Variants in ANKRD26 observed in about 807,000 individuals in gnomAD.
ANKRD26 encodes ankyrin repeat domain 26.
ANKRD26 carries 141 observed loss-of-function variants against 208.7 expected under a neutral mutation model. The observed-to-expected ratio is 0.68, with a 90% confidence interval of 0.59 to 0.78. The LOEUF (loss-of-function observed/expected upper bound fraction) is 0.78, where lower values mean the gene tolerates loss of function less well. ANKRD26 is among the 30% of genes least tolerant of loss of function. The pLI, the probability that ANKRD26 is intolerant of heterozygous loss-of-function variation, is 0.00. For missense variants in ANKRD26, 1,889 were observed against 1,938.7 expected (o/e 0.97, Z 0.48); for synonymous variants, 636 against 660.4 (o/e 0.96, Z 0.57).
intron 32 of ANKRD26, among the ~76,000 whole-genome samples, chr10:27,011,368 A>G (rs900276234): frequency 2.0e-5 from 3 of 152,190 alleles, no homozygotes; most frequent in African/African-American, 7.2e-5. Flanking sequence ...CTTGGGCTCA[A>G]GCAATCCTCC....
intron 7 of ANKRD26, among the ~76,000 whole-genome samples, chr10:27,078,765 CTT>C (rs2055792599): frequency 1.3e-5 from 2 of 151,996 alleles, no homozygotes; most frequent in African/African-American, 4.8e-5. Context: ...TCCATATAAA[CTT>C]TGACCAAATT....
rs1021550725 is a variant in ANKRD26 at position 27,066,369 on chromosome 10, A to G, written c.1269+118T>C. The G allele has an allele frequency of 2.0e-5, 13 of 640,038 alleles. 1 individual carries two copies. The highest frequency in any genetic ancestry group is 3.2e-5 in the Non-Finnish European group (12 of 377,570). 39.6% of individuals were successfully genotyped at this position (640,038 alleles called of 1,614,324 possible). A position where few individuals can be genotyped will look rare whatever the true frequency, so the allele number is the denominator to read the frequency against. On this transcript the variant is annotated intron_variant, in intron 11 of 33. Transcript: ENST00000376087. The stretch of plus-strand genomic sequence containing the variant: ...TTAATTATGAACTGAAAAATATAAG[A>G]AAGTAGTTCCTTATGGATGTATGCA...
intron 5 of ANKRD26, among the ~76,000 whole-genome samples, chr10:27,085,095 G>C (rs72807640): frequency 0.082 from 12,353 of 150,226 alleles, 690 homozygotes; most frequent in East Asian, 0.28. Flanking sequence ...GAACACACTT[G>C]TTTTTTTTGT....
chr10:26,991,451 T>C (rs2052484372), downstream of ANKRD26, among the ~76,000 whole-genome samples: 2 of 151,036 alleles, frequency 1.3e-5, no homozygotes, highest in African/African-American at 4.9e-5. Context: ...TTTTTTTTTT[T>C]TTGAGACGGA....
intron 9 of ANKRD26, among the ~76,000 whole-genome samples, chr10:27,073,679 C>A (rs1419796658): frequency 6.6e-6 from 1 of 152,122 alleles, no homozygotes; most frequent in Non-Finnish European, 1.5e-5. Context: ...CAGCCTGAGG[C>A]CTGAAATGTT....
At chr10:27,071,020 T>C (rs1046164478) in intron 9 of ANKRD26, among the ~76,000 whole-genome samples, 1 of 152,152 alleles carries the variant, frequency 6.6e-6, no homozygotes, top group Non-Finnish European at 1.5e-5. Flanking sequence ...GATTCTATAA[T>C]AGGTAGTTTA....
intron 3 of ANKRD26, among the ~76,000 whole-genome samples, chr10:26,985,239 GGA>G (rs979207095): frequency 3.9e-5 from 6 of 152,110 alleles, no homozygotes; most frequent in Admixed American, 1.3e-4. Flanking sequence ...GTTATCTTTG[GGA>G]GAGAGAACAC....
chr10:27,066,809 G>T (rs544705303), intron 10 of ANKRD26, among the ~76,000 whole-genome samples: 21 of 148,512 alleles, frequency 1.4e-4, no homozygotes, highest in Admixed American at 5.4e-4. Context: ...TCTTAGAATA[G>T]ATTTTTTTTT....
intron 16 of ANKRD26, chr10:27,051,019 T>C (rs2054635915): frequency 4.2e-6 from 5 of 1,186,328 alleles, no homozygotes; most frequent in African/African-American, 1.6e-5. Context: ...AAATAATTGA[T>C]AGAGAAAAAA....
At chr10:26,989,256 C>A (rs760349154), downstream of ANKRD26, among the ~76,000 whole-genome samples, 1 of 152,082 alleles carries the variant, frequency 6.6e-6, no homozygotes, top group Non-Finnish European at 1.5e-5. Context: ...TCATACAGTT[C>A]CCTGCCTTTT....
chr10:27,039,347 G>T lies in ANKRD26; in HGVS notation c.2375+618C>A, dbSNP rs181807024. Among the ~76,000 whole-genome samples the T allele has an allele frequency of 2.6e-5, 4 of 152,004 alleles. No individual in the cohort carries two copies. In the East Asian group the frequency reaches 7.7e-4, roughly 29 times the overall value. On this transcript the variant is annotated intron_variant, in intron 21 of 33. Transcript: ENST00000376087. ...CGTGCGCCTGTAATCCCAGCTTCTT[G>T]TGAGGCTGAGGTGGGAGAATTGCTT...
In ANKRD26 at chr10:27,037,905, A is replaced by G. The variant is rs763312436; in HGVS notation, c.2525T>C (p.Met842Thr). The change falls in exon 22 of 34, where the codon ATG becomes ACG. Residue 842 changes from methionine (M) to threonine (T), a missense_variant. Transcript: ENST00000376087. ...QLELSLQTLE[M>T]ELRTVKSNLN... ...ATTACTTTTTACAGTCCTCAATTCC[A>G]TCTCCAGTGTTTGGAGACTCAGTTC... is the stretch of plus-strand genomic sequence containing the variant. 1 of 1,612,846 alleles carries G rather than the reference A, an allele frequency of 6.2e-7. No homozygotes were observed. The highest frequency in any genetic ancestry group is 1.1e-5 in the South Asian group (1 of 90,850).
At chr10:27,077,948 A>C (rs2055759724) in intron 7 of ANKRD26, among the ~76,000 whole-genome samples, 1 of 152,188 alleles carries the variant, frequency 6.6e-6, no homozygotes, top group East Asian at 1.9e-4. Flanking sequence ...TATAAATACT[A>C]TGATATCTGT....
chr10:27,046,592 A>G, intron 17 of ANKRD26, 69 bp from the exon 18 acceptor site: 1 of 1,439,028 alleles, frequency 6.9e-7, no homozygotes, highest in African/African-American at 1.4e-5. Context: ...ATGCAGAAAG[A>G]GAGTTAAGGA....
chr10:27,066,610 A>G, intron 10 of ANKRD26, 62 bp from the exon 11 acceptor site: 4 of 1,071,750 alleles, frequency 3.7e-6, no homozygotes, highest in Admixed American at 3.7e-5. Context: ...TTTTAAATAC[A>G]TAATTAAATA....
At chr10:27,048,562 G>T (rs2054539428) in intron 17 of ANKRD26, among the ~76,000 whole-genome samples, 1 of 152,020 alleles carries the variant, frequency 6.6e-6, no homozygotes, top group African/African-American at 2.4e-5. Context: ...CAGTGTATGA[G>T]AATGCCTTTT....
At chr10:27,042,247 C>A (rs1008378237) in intron 20 of ANKRD26, among the ~76,000 whole-genome samples, 2 of 152,008 alleles carry the variant, frequency 1.3e-5, no homozygotes, top group Non-Finnish European at 2.9e-5. Flanking sequence ...TGTCCATATC[C>A]AAAAAAATGA....
Position 27,077,384 on chromosome 10 carries a change from A to C in ANKRD26, c.1031T>G (p.Leu344Arg). The change falls in exon 9 of 34, where the codon CTT becomes CGT. Residue 344 changes from leucine to arginine, a missense_variant. Physicochemically the swap from Leu to Arg is moderately radical, Grantham distance 102 (BLOSUM62 -2). This residue lies in a region of ANKRD26 where 1,272 missense variants were observed against 1,273.8 expected (regional missense o/e 1.00). Transcript: ENST00000376087. Reference sequence around the variant, plus strand: ...TAACGACTTGTGGGAAGGTTTTGGAAGAAGGTCAGGTGATTGATAGGTAGG... The same window carrying C: ...TAACGACTTGTGGGAAGGTTTTGGACGAAGGTCAGGTGATTGATAGGTAGG... ...SHPTYQSPDL[L>R]PKPSHKSLAN... 1.2e-6 allele frequency: 2 copies of C among 1,614,084 alleles called. No individual in the cohort carries two copies. Among genetic ancestry groups the C allele is most frequent in the Non-Finnish European group, 1.7e-6 (2 of 1,179,964 alleles).
rs115427693 is a variant in ANKRD26 at position 27,060,644 on chromosome 10, A to C, written c.1463-104T>G. ...GACCAGAATCATCACGCTTGGTTTGAAAATGATTATGTTAATTTTTGGGAT... is the reference window on the plus strand; with the variant it reads ...GACCAGAATCATCACGCTTGGTTTGCAAATGATTATGTTAATTTTTGGGAT... On this transcript the variant is annotated intron_variant, in intron 13 of 33. Coordinates refer to ENST00000376087, the MANE Select transcript of ANKRD26 (RefSeq NM_014915.3). 977 of 895,206 alleles carry C rather than the reference A, an allele frequency of 1.1e-3. 6 individuals carry two copies. In the African/African-American group the frequency reaches 0.013, roughly 12 times the overall value. 55.5% of individuals were successfully genotyped at this position (895,206 alleles called of 1,614,324 possible). A position where few individuals can be genotyped will look rare whatever the true frequency, so the allele number is the denominator to read the frequency against.
Sources: allele counts gnomAD v4.1 joint callset (sites outside exome capture counted in the v4.1 genomes callset), GRCh38; gene constraint gnomAD v4.1.1; regional missense constraint gnomAD v4.1.1; transcripts MANE v1.5; gene names NCBI Gene and HGNC (gene_info 2026-07-23, HGNC 2026-07-21).